The following MKLN1 variants were observed in gnomAD, a reference collection of about 807,000 sequenced individuals.
MKLN1 encodes the protein muskelin.
A neutral mutation model predicts 99.0 loss-of-function variants in MKLN1; 18 were observed. The ratio of observed to expected loss-of-function variants is 0.18; its 90% CI spans 0.13 to 0.27. The LOEUF (loss-of-function observed/expected upper bound fraction) is 0.27. MKLN1 is among the 10% of genes least tolerant of loss of function. MKLN1 has a pLI of 1.00. For synonymous variants in MKLN1, 288 were observed against 293.2 expected, an observed-to-expected ratio of 0.98 and a Z score of 0.18; for missense variants, 621 against 875.9, an observed-to-expected ratio of 0.71 and a Z score of 3.67.
chr7:131,238,922 T>C (rs13235516), intron 3 of MKLN1, among the ~76,000 whole-genome samples: 39,390 of 152,146 alleles, frequency 0.26, 5,885 homozygotes, highest in East Asian at 0.42. Context: ...ACATAAACTC[T>C]GTTCACATTC....
intron 15 of MKLN1, among the ~76,000 whole-genome samples, chr7:131,468,716 T>C (rs930299136): frequency 4.6e-5 from 7 of 152,166 alleles, no homozygotes; most frequent in African/African-American, 1.7e-4. Flanking sequence ...AGGGCAGAAC[T>C]GTTGATTAAA....
chr7:131,434,731 A>G (rs1175983367), intron 9 of MKLN1, among the ~76,000 whole-genome samples: 1 of 152,036 alleles, frequency 6.6e-6, no homozygotes, highest in Non-Finnish European at 1.5e-5. Context: ...TTTTTAAATT[A>G]TGTGTAGAGA....
intron 1 of MKLN1, among the ~76,000 whole-genome samples, chr7:131,338,449 C>G (rs1799312677): frequency 6.6e-6 from 1 of 152,242 alleles, no homozygotes; most frequent in South Asian, 2.1e-4. Flanking sequence ...AAAGGGAAAG[C>G]TGCACAGAAT....
At chr7:131,306,461 A>G (rs6975059) in intron 3 of MKLN1, among the ~76,000 whole-genome samples, 2,613 of 152,332 alleles carry the variant, frequency 0.017, 53 homozygotes, top group African/African-American at 0.057. Flanking sequence ...GATATGGACC[A>G]TGAAGTCCAG....
At chr7:131,265,692 A>G (rs1233931017) in intron 3 of MKLN1, among the ~76,000 whole-genome samples, 1 of 152,218 alleles carries the variant, frequency 6.6e-6, no homozygotes, top group African/African-American at 2.4e-5. Flanking sequence ...TCCTAGTTCT[A>G]CAGGATAGTA....
intron 3 of MKLN1, among the ~76,000 whole-genome samples, chr7:131,230,796 C>A (rs777361367): frequency 1.3e-5 from 2 of 151,990 alleles, no homozygotes; most frequent in Non-Finnish European, 2.9e-5. Flanking sequence ...TCTCATCTTG[C>A]GACTGACCGG....
intron 2 of MKLN1, among the ~76,000 whole-genome samples, chr7:131,173,140 AACACACACAC>A (rs56672099): frequency 6.7e-6 from 1 of 150,002 alleles, no homozygotes; most frequent in South Asian, 2.1e-4. Flanking sequence ...TGTATATACA[AACACACACAC>A]ACACACACAC....
At chr7:131,291,014 C>G (rs1193541324) in intron 3 of MKLN1, among the ~76,000 whole-genome samples, 1 of 152,110 alleles carries the variant, frequency 6.6e-6, no homozygotes, top group Non-Finnish European at 1.5e-5. Context: ...CAAACCAAGG[C>G]CCCAAATCAC....
At chr7:131,214,325 T>C (rs1796947743) in intron 3 of MKLN1, among the ~76,000 whole-genome samples, 1 of 152,178 alleles carries the variant, frequency 6.6e-6, no homozygotes, top group African/African-American at 2.4e-5. Flanking sequence ...GTCTTGGCAA[T>C]GAGACCTAAG....
chr7:131,114,662 G>A (rs1795247243), intron 1 of MKLN1, among the ~76,000 whole-genome samples: 1 of 152,128 alleles, frequency 6.6e-6, no homozygotes, highest in African/African-American at 2.4e-5. Context: ...AAAGAGGATT[G>A]TGGCCAGCTG....
rs1401485420 is a variant in MKLN1, at chr7:131,248,263, A to C, written c.-179+45289A>C. Among the ~76,000 whole-genome samples, 3 of 151,784 alleles carry C rather than the reference A, an allele frequency of 2.0e-5. No homozygotes were observed. In the East Asian group the frequency reaches 5.9e-4, roughly 30 times the overall value. On this transcript the variant is annotated intron_variant, in intron 3 of 7. Transcript: ENST00000416992. ...TAATAGTAAAATAGAAATGTTGAAGACAGTGTCTTGCCTCTAATTGGTATT... is the reference window on the plus strand; with the variant it reads ...TAATAGTAAAATAGAAATGTTGAAGCCAGTGTCTTGCCTCTAATTGGTATT...
In MKLN1 at chr7:131,270,638, C is replaced by A. The variant is rs112962931; in HGVS notation, c.-179+67664C>A. 2.8e-3 allele frequency among the ~76,000 whole-genome samples: 420 copies of A among 152,280 alleles called. 1 individual carries two copies. The highest frequency in any genetic ancestry group is 0.014 in the Middle Eastern group (4 of 292). ...TCTTCATTCATCTATTTATTCATTT[C>A]TTTTCCATTTGTTCATTCCAAAATA... is the stretch of plus-strand genomic sequence containing the variant. On this transcript the variant is annotated intron_variant, in intron 3 of 7. Transcript: ENST00000416992.
intron 3 of MKLN1, among the ~76,000 whole-genome samples, chr7:131,266,520 G>T (rs1797810912): frequency 6.6e-6 from 1 of 152,132 alleles, no homozygotes; most frequent in Middle Eastern, 3.4e-3. Context: ...CAGCTCTTGG[G>T]GGAACAACGA....
In MKLN1 at chr7:131,387,265, G is replaced by C; in HGVS notation, c.311+3G>C. On this transcript the variant is annotated splice_donor_region_variant and intron_variant, in intron 3 of 17. Transcript: ENST00000352689. ...AATATGACAGAGCTGTTGTCCAGGT[G>C]AGTTATGGTTATGTTGAAGAGAGCT... The C allele has an allele frequency of 6.2e-7, 1 of 1,607,218 alleles. No individual in the cohort carries two copies. The highest frequency in any genetic ancestry group is 8.5e-7 in the Non-Finnish European group (1 of 1,177,614).
chr7:131,328,175 G>T, intron 1 of MKLN1, 178 bp downstream of exon 1: 2 of 772,816 alleles, frequency 2.6e-6, no homozygotes, highest in South Asian at 3.7e-5. Context: ...CGCTCGGGAA[G>T]GGGTTAGGGT....
At chr7:131,139,268 G>A (rs778916056) in intron 1 of MKLN1, among the ~76,000 whole-genome samples, 20 of 152,076 alleles carry the variant, frequency 1.3e-4, no homozygotes, top group African/African-American at 2.9e-4. Flanking sequence ...GGACCCATCC[G>A]TACAGCATCA....
At chr7:131,444,204 G>T (rs1015266048) in intron 11 of MKLN1, among the ~76,000 whole-genome samples, 7 of 151,334 alleles carry the variant, frequency 4.6e-5, no homozygotes, top group African/African-American at 1.7e-4. Context: ...ACAAAAATTA[G>T]CCTGGCGTGG....
chr7:131,461,084 C>T (rs890263033), intron 12 of MKLN1, among the ~76,000 whole-genome samples: 1 of 152,032 alleles, frequency 6.6e-6, no homozygotes, highest in South Asian at 2.1e-4. Flanking sequence ...TGCTCAAGTC[C>T]GTGATATGGT....
At position 131,398,250 on chromosome 7, in the gene MKLN1, T is replaced by A. The variant is rs988241754; in HGVS notation, c.510+874T>A. On this transcript the variant is annotated intron_variant, in intron 5 of 17. Coordinates refer to ENST00000352689, the MANE Select transcript of MKLN1 (RefSeq NM_013255.5). ...CATATTCCTGAAGTTGAGATTTTTT[T>A]AAAAAAATCCTTTTTATAAGATTGT... Among the ~76,000 whole-genome samples the A allele has an allele frequency of 1.8e-4, 28 of 152,176 alleles. 1 individual carries two copies. The highest frequency in any genetic ancestry group is 4.1e-4 in the South Asian group (2 of 4,830).
Sources: gnomAD v4.1 joint callset for allele counts (sites outside exome capture counted in the v4.1 genomes callset) on GRCh38, gnomAD v4.1.1 for gene constraint, MANE v1.5 for transcripts, NCBI Gene and HGNC (gene_info 2026-07-23, HGNC 2026-07-21) for gene names.